SEC22A: variants seen among roughly 807,000 people sequenced by gnomAD.
The protein encoded by SEC22A is vesicle-trafficking protein SEC22a.
A neutral mutation model predicts 35.3 loss-of-function variants in SEC22A; 22 were observed. That is an observed-to-expected ratio of 0.62 (90% CI 0.45 to 0.89). The LOEUF is 0.89. Among genes scored for constraint, SEC22A ranks in the 40% least tolerant of loss-of-function variants. The probability of loss-of-function intolerance (pLI) is 0.00; values close to 1 mark genes in which losing one functional copy is unlikely to be tolerated. For missense variants in SEC22A, 354 were observed against 362.5 expected (o/e 0.98, Z 0.19); for synonymous variants, 119 against 129.5 (o/e 0.92, Z 0.55).
intron 2 of SEC22A, among the ~76,000 whole-genome samples, chr3:123,215,429 G>A (rs1416107195): frequency 2.0e-5 from 3 of 152,102 alleles, no homozygotes; most frequent in Non-Finnish European, 4.4e-5. Context: ...TTTCTAGACT[G>A]ATTAATCATT....
In SEC22A at chr3:123,209,548, T is replaced by C. The variant is rs188080625; in HGVS notation, c.182+149T>C. 1.4e-3 allele frequency: 913 copies of C among 634,154 alleles called. 5 individuals are homozygous for C. The highest frequency in any genetic ancestry group is 4.7e-3 in the Admixed American group (147 of 31,598). 39.3% of individuals were successfully genotyped at this position (634,154 alleles called of 1,614,324 possible). ...CTGAACTTATACTAAATAGTCATCA[T>C]GTCAGCAGCAGCCTTTTTGTAGTTT... On this transcript the variant is annotated intron_variant, in intron 2 of 6. Coordinates refer to ENST00000492595, the MANE Select transcript of SEC22A (RefSeq NM_012430.5).
In SEC22A at chr3:123,272,236, G is replaced by A. The variant is rs1938186158; in HGVS notation, c.*514G>A. On this transcript the variant is annotated 3_prime_UTR_variant, in exon 7 of 7. Transcript: ENST00000492595. The stretch of plus-strand genomic sequence containing the variant: ...TAAAGTCCAAGATGGTGTGAAATTG[G>A]TTCTTTTTACTTTTATATTTTTGCT... 1 of 152,940 alleles carries A rather than the reference G, an allele frequency of 6.5e-6. No homozygotes were observed. Among genetic ancestry groups the A allele is most frequent in the African/African-American group, 2.4e-5 (1 of 41,450 alleles). The allele number at this position is 152,940 out of a possible 1,614,324, so 9.5% of individuals were successfully genotyped here. A position where few individuals can be genotyped will look rare whatever the true frequency, so the allele number is the denominator to read the frequency against.
At chr3:123,207,675 A>T (rs1191692213) in intron 1 of SEC22A, among the ~76,000 whole-genome samples, 1 of 152,222 alleles carries the variant, frequency 6.6e-6, no homozygotes, top group Admixed American at 6.5e-5. Flanking sequence ...AGAGCTCAGA[A>T]ATCTGCATTT....
chr3:123,215,114 C>T (rs1262785255), intron 2 of SEC22A, among the ~76,000 whole-genome samples: 1 of 152,218 alleles, frequency 6.6e-6, no homozygotes, highest in African/African-American at 2.4e-5. Context: ...CTGACATTAT[C>T]ATTAAGCTTT....
At position 123,233,559 on chromosome 3, in the gene SEC22A, A is replaced by G. The variant is rs566380295; in HGVS notation, c.541+8262A>G. ...AAATCAATTAATGTAATATATTGAT[A>G]GAATAAGAAATGAAAAACACATGAT... On this transcript the variant is annotated intron_variant, in intron 4 of 6. Transcript: ENST00000492595. Among the ~76,000 whole-genome samples, 4 of 152,340 alleles carry G rather than the reference A, an allele frequency of 2.6e-5. No homozygotes were observed. The East Asian group carries it at 7.7e-4, about 29-fold the overall frequency.
intron 5 of SEC22A, among the ~76,000 whole-genome samples, chr3:123,251,077 T>C (rs1241878504): frequency 6.6e-6 from 1 of 152,206 alleles, no homozygotes; most frequent in Non-Finnish European, 1.5e-5. Flanking sequence ...GCAACAAACA[T>C]TTCAAGAAAG....
At chr3:123,240,733 C>A (rs757691134) in intron 4 of SEC22A, among the ~76,000 whole-genome samples, 2 of 152,004 alleles carry the variant, frequency 1.3e-5, no homozygotes, top group Non-Finnish European at 2.9e-5. Flanking sequence ...TCCCAACAAG[C>A]AATTTGTGAG....
rs925882379 is a variant in SEC22A at position 123,261,925 on chromosome 3, G to T, written c.723+2336G>T. ...GAGAGTTGCTTCGTGGTAGAGTGGT[G>T]TCACTCAGGTGTTCTTTTACTTGAG... is the stretch of plus-strand genomic sequence containing the variant. On this transcript the variant is annotated intron_variant, in intron 6 of 6. Coordinates refer to ENST00000492595, the MANE Select transcript of SEC22A (RefSeq NM_012430.5). Among the ~76,000 whole-genome samples, 15 of 152,174 alleles carry T rather than the reference G, an allele frequency of 9.9e-5. 1 individual carries two copies. Among genetic ancestry groups the T allele is most frequent in the Admixed American group, 8.5e-4 (13 of 15,282 alleles).
At chr3:123,206,275 T>A (rs1936850858) in intron 1 of SEC22A, among the ~76,000 whole-genome samples, 2 of 152,110 alleles carry the variant, frequency 1.3e-5, no homozygotes, top group South Asian at 4.1e-4. Context: ...TAATTTTTTT[T>A]ATAGAGACAG....
rs781297342 is a variant in SEC22A at position 123,223,711 on chromosome 3, T to G, written c.335T>G (p.Phe112Cys). The change falls in exon 3 of 7, where the codon TTC becomes TGC. Residue 112 changes from phenylalanine (F) to cysteine (C), a missense_variant. Phe to Cys is a radical substitution (Grantham distance 205, BLOSUM62 -2). Coordinates refer to ENST00000492595, the MANE Select transcript of SEC22A (RefSeq NM_012430.5). The stretch of plus-strand genomic sequence containing the variant: ...AATACTGCTGTCAGACCATACTGTT[T>G]CATTGAATTTGGTAAGGGCCTGATT... Reference protein sequence around the residue: ...KTNTAVRPYCFIEFDNFIQRT... With the variant: ...KTNTAVRPYCCIEFDNFIQRT... 1.9e-6 allele frequency: 3 copies of G among 1,611,692 alleles called. No homozygotes were observed. Among genetic ancestry groups the G allele is most frequent in the Admixed American group, 1.7e-5 (1 of 59,702 alleles).
chr3:123,255,093 C>G (rs1013975157), intron 5 of SEC22A, among the ~76,000 whole-genome samples: 3 of 152,200 alleles, frequency 2.0e-5, no homozygotes, highest in Admixed American at 6.5e-5. Flanking sequence ...CTTATGTACC[C>G]TCTCTGCCTC....
chr3:123,223,935 G>A (rs12487554), intron 3 of SEC22A, among the ~76,000 whole-genome samples: 86,724 of 151,992 alleles, frequency 0.57, 25,206 homozygotes, highest in Non-Finnish European at 0.61. Flanking sequence ...GTATTGGTCC[G>A]AAGAATTAAT....
chr3:123,263,999 G>A (rs964399769), intron 6 of SEC22A, among the ~76,000 whole-genome samples: 1 of 151,452 alleles, frequency 6.6e-6, no homozygotes, highest in South Asian at 2.1e-4. Flanking sequence ...CAGCCTCACC[G>A]CAGCTTTGAA....
rs543718009 is a variant in SEC22A at position 123,223,852 on chromosome 3, A to G, written c.346+130A>G. 3 of 647,894 alleles carry G rather than the reference A, an allele frequency of 4.6e-6. No individual in the cohort carries two copies. The South Asian group carries it at 8.0e-5, about 17-fold the overall frequency. The allele number at this position is 647,894 out of a possible 1,614,324, so 40.1% of individuals were successfully genotyped here. On this transcript the variant is annotated intron_variant, in intron 3 of 6. Transcript: ENST00000492595. ...GATATAATAATTTGGTAAATGATCT[A>G]TAAATTATGGTAACTTTTTACTTAG...
intron 5 of SEC22A, among the ~76,000 whole-genome samples, chr3:123,249,564 G>A (rs999520283): frequency 1.3e-5 from 2 of 151,730 alleles, no homozygotes; most frequent in Admixed American, 6.6e-5. Context: ...TCATCCTGTC[G>A]CCCAGGCTGG....
At chr3:123,270,656 A>G (rs1938139601) in intron 6 of SEC22A, among the ~76,000 whole-genome samples, 1 of 152,222 alleles carries the variant, frequency 6.6e-6, no homozygotes, top group Admixed American at 6.5e-5. Context: ...TTGAAAGCCT[A>G]TGGATGACAA....
intron 2 of SEC22A, among the ~76,000 whole-genome samples, chr3:123,212,570 A>C (rs1329669586): frequency 1.3e-5 from 2 of 152,138 alleles, no homozygotes; most frequent in Non-Finnish European, 2.9e-5. Flanking sequence ...AAATTAAAAA[A>C]ATTTATTTTG....
rs80237611 is a variant in SEC22A at position 123,203,432 on chromosome 3, A to G, written c.-20+1446A>G. 5.6e-4 allele frequency among the ~76,000 whole-genome samples: 85 copies of G among 152,320 alleles called. No individual in the cohort carries two copies. In the East Asian group the frequency reaches 0.014, roughly 26 times the overall value. On this transcript the variant is annotated intron_variant, in intron 1 of 6. Transcript: ENST00000492595. The stretch of plus-strand genomic sequence containing the variant: ...TAATGTAGTGCTTTTAGCATGTTAC[A>G]AGGCAATGTTTCAGGCACTTTACAT...
intron 4 of SEC22A, 85 bp downstream of exon 4, chr3:123,225,382 A>C: frequency 2.6e-6 from 2 of 778,358 alleles, no homozygotes; most frequent in South Asian, 4.9e-5. Flanking sequence ...ACTTTATTCT[A>C]ATATTTTAAA....
Sources: gnomAD v4.1 joint callset for allele counts (sites outside exome capture counted in the v4.1 genomes callset) on GRCh38, gnomAD v4.1.1 for gene constraint, MANE v1.5 for transcripts, NCBI Gene and HGNC (gene_info 2026-07-23, HGNC 2026-07-21) for gene names.